PDE4B: variants seen among roughly 807,000 people sequenced by gnomAD.
PDE4B encodes the protein 3',5'-cyclic-AMP phosphodiesterase 4B.
A neutral mutation model predicts 82.2 loss-of-function variants in PDE4B; 20 were observed. That is an observed-to-expected ratio of 0.24 (90% CI 0.17 to 0.35). The LOEUF is 0.35. Ranked by LOEUF, PDE4B falls within the 10% of genes least tolerant of loss-of-function variation. The pLI is 1.00. For synonymous variants in PDE4B, 320 were observed against 318.9 expected, an observed-to-expected ratio of 1.00 and a Z score of -0.04; for missense variants, 655 against 907.2, an observed-to-expected ratio of 0.72 and a Z score of 3.57.
At chr1:66,328,684 G>A (rs1453696105) in intron 7 of PDE4B, among the ~76,000 whole-genome samples, 1 of 152,168 alleles carries the variant, frequency 6.6e-6, no homozygotes, top group Non-Finnish European at 1.5e-5. Flanking sequence ...GCTCGCTGGT[G>A]CCCTAGGAAT....
chr1:66,255,840 T>G (rs1184059517), intron 4 of PDE4B, among the ~76,000 whole-genome samples: 1 of 152,208 alleles, frequency 6.6e-6, no homozygotes, highest in Non-Finnish European at 1.5e-5. Flanking sequence ...TTTTGTATGA[T>G]TTGATATGTC....
intron 3 of PDE4B, among the ~76,000 whole-genome samples, chr1:66,234,999 T>C (rs888622472): frequency 1.3e-5 from 2 of 152,196 alleles, no homozygotes; most frequent in African/African-American, 4.8e-5. Flanking sequence ...TCTCTTTTCA[T>C]TGTATCTTTA....
chr1:66,043,449 T>A lies in PDE4B; in HGVS notation c.281+124614T>A, dbSNP rs189245707. On this transcript the variant is annotated intron_variant, in intron 3 of 16. Transcript: ENST00000341517. Reference sequence around the variant, plus strand: ...GCAGTGCAGAACTCAGCAGTTTGGGTTTCATTGAACTGGCTTAGTGGTTTC... The same window carrying A: ...GCAGTGCAGAACTCAGCAGTTTGGGATTCATTGAACTGGCTTAGTGGTTTC... Among the ~76,000 whole-genome samples the A allele has an allele frequency of 3.9e-3, 594 of 151,720 alleles. 3 individuals carry two copies. Among genetic ancestry groups the A allele is most frequent in the African/African-American group, 0.014 (570 of 41,450 alleles).
At chr1:66,283,734 C>G (rs1320732641) in intron 7 of PDE4B, among the ~76,000 whole-genome samples, 1 of 152,018 alleles carries the variant, frequency 6.6e-6, no homozygotes, top group African/African-American at 2.4e-5. Flanking sequence ...TATGAGCCAT[C>G]CTGGAGGAGG....
At chr1:65,940,851 T>TGA (rs375732990) in intron 3 of PDE4B, among the ~76,000 whole-genome samples, 1 of 152,032 alleles carries the variant, frequency 6.6e-6, no homozygotes, top group Non-Finnish European at 1.5e-5. Flanking sequence ...AAATTTCAGA[T>TGA]GAGAGAGAGA....
At chr1:66,270,680 C>T (rs988415940) in intron 7 of PDE4B, among the ~76,000 whole-genome samples, 2 of 151,968 alleles carry the variant, frequency 1.3e-5, no homozygotes, top group African/African-American at 4.8e-5. Context: ...AACTGTCAGG[C>T]AGGATTACAA....
intron 8 of PDE4B, among the ~76,000 whole-genome samples, chr1:66,337,362 A>G (rs1167767999): frequency 2.6e-5 from 4 of 152,148 alleles, no homozygotes; most frequent in Admixed American, 1.3e-4. Flanking sequence ...CTGGACCCCC[A>G]CATTCTCTGT....
At position 65,796,408 on chromosome 1, in the gene PDE4B, A is replaced by AT. The variant is rs76845605; in HGVS notation, c.-71+3169dup. On this transcript the variant is annotated intron_variant, in intron 1 of 16. Transcript: ENST00000341517. Reference sequence around the variant, plus strand: ...ACAAGACCCCGAGGCTTGGTTCATCATTTTTTTTTCTGGTATTTTCTCTTT... The same window carrying AT: ...ACAAGACCCCGAGGCTTGGTTCATCATTTTTTTTTTCTGGTATTTTCTCTTT... 2.7e-4 allele frequency among the ~76,000 whole-genome samples: 40 copies of AT among 150,278 alleles called. No individual in the cohort carries two copies. The East Asian group carries it at 7.0e-3, about 26-fold the overall frequency.
chr1:66,307,394 C>A (rs1658356921), intron 7 of PDE4B, among the ~76,000 whole-genome samples: 1 of 152,026 alleles, frequency 6.6e-6, no homozygotes, highest in Non-Finnish European at 1.5e-5. Flanking sequence ...CTAGAGGAGA[C>A]AGAGGAGCAG....
intron 3 of PDE4B, among the ~76,000 whole-genome samples, chr1:66,104,783 GTTGT>G (rs1645307309): frequency 6.7e-6 from 1 of 149,942 alleles, no homozygotes; most frequent in Non-Finnish European, 1.5e-5. Context: ...TTTTGATGGG[GTTGT>G]TTGTTTTTTT....
Position 66,154,771 on chromosome 1 carries a change from C to T in PDE4B, c.282-92689C>T, listed in dbSNP as rs114379637. Among the ~76,000 whole-genome samples the T allele has an allele frequency of 7.3e-3, 1,109 of 152,302 alleles. 16 individuals carry two copies. The highest frequency in any genetic ancestry group is 0.025 in the African/African-American group (1,047 of 41,560). ...TCATGCCTGTCTCTTCCATTCGCTACACCTTTGCCTTTGCTCAAGGAATAT... is the reference window on the plus strand; with the variant it reads ...TCATGCCTGTCTCTTCCATTCGCTATACCTTTGCCTTTGCTCAAGGAATAT... On this transcript the variant is annotated intron_variant, in intron 3 of 16. Transcript: ENST00000341517.
At chr1:66,011,685 T>G (rs1237212304) in intron 3 of PDE4B, among the ~76,000 whole-genome samples, 2 of 152,086 alleles carry the variant, frequency 1.3e-5, no homozygotes, top group African/African-American at 2.4e-5. Flanking sequence ...CTGTGAGACA[T>G]CTGTATTTTA....
At chr1:66,266,213 T>G in intron 7 of PDE4B, 126 bp downstream of exon 7, 1 of 758,946 alleles carries the variant, frequency 1.3e-6, no homozygotes. Context: ...GTATGTCTCT[T>G]GGTGACTTTT....
intron 3 of PDE4B, among the ~76,000 whole-genome samples, chr1:66,036,632 T>C (rs1377421786): frequency 6.6e-6 from 1 of 152,188 alleles, no homozygotes; most frequent in Admixed American, 6.5e-5. Flanking sequence ...TGACTATTGA[T>C]GTGTGGGTTT....
chr1:65,983,735 G>A (rs1650807433), intron 3 of PDE4B, among the ~76,000 whole-genome samples: 1 of 152,028 alleles, frequency 6.6e-6, no homozygotes, highest in African/African-American at 2.4e-5. Context: ...CTAGCTTCCA[G>A]AACAGTGAGA....
chr1:65,848,644 C>T (rs1646294834), intron 1 of PDE4B, among the ~76,000 whole-genome samples: 2 of 152,136 alleles, frequency 1.3e-5, no homozygotes, highest in African/African-American at 4.8e-5. Context: ...ATAATATATA[C>T]TCTTTTGTGG....
At chr1:66,221,882 C>A (rs1651015225) in intron 3 of PDE4B, among the ~76,000 whole-genome samples, 1 of 116,176 alleles carries the variant, frequency 8.6e-6, no homozygotes, top group African/African-American at 3.1e-5. Flanking sequence ...ACTTCAGGTA[C>A]TGAGTGTATT....
chr1:65,924,064 T>G (rs958091596), intron 3 of PDE4B, among the ~76,000 whole-genome samples: 3 of 140,022 alleles, frequency 2.1e-5, no homozygotes, highest in African/African-American at 7.8e-5. Flanking sequence ...CTAATCTGCC[T>G]TCCAGTTTGC....
chr1:66,041,829 T>TACAC (rs58537930), intron 3 of PDE4B, among the ~76,000 whole-genome samples: 109,296 of 145,452 alleles, frequency 0.75, 40,812 homozygotes, highest in East Asian at 0.84. Context: ...CACACACACA[T>TACAC]ACACACACAC....
Sources: allele counts gnomAD v4.1 joint callset (sites outside exome capture counted in the v4.1 genomes callset), GRCh38; gene constraint gnomAD v4.1.1; transcripts MANE v1.5; gene names NCBI Gene and HGNC (gene_info 2026-07-23, HGNC 2026-07-21).